Variants in EFCAB11 observed in about 807,000 individuals in gnomAD.
The protein encoded by EFCAB11 is EF-hand calcium binding domain 11.
Under a neutral mutation model 23.0 loss-of-function variants are expected in EFCAB11, and 14 were observed. The observed-to-expected ratio is 0.61, with a 90% CI of 0.40 to 0.95. The LOEUF is 0.95. Among genes scored for constraint, EFCAB11 ranks in the 40% least tolerant of loss-of-function variants. The pLI is 0.00. For missense variants in EFCAB11, 198 were observed against 195.8 expected (o/e 1.01, Z -0.07); for synonymous variants, 65 against 66.6 (o/e 0.98, Z 0.11).
chr14:89,880,067 C>T (rs559661078), intron 5 of EFCAB11, among the ~76,000 whole-genome samples: 21 of 152,184 alleles, frequency 1.4e-4, no homozygotes, highest in African/African-American at 5.1e-4. Flanking sequence ...TGTGAGTATA[C>T]CTTTCTTAGT....
chr14:89,820,912 C>T (rs1049467772), intron 5 of EFCAB11, among the ~76,000 whole-genome samples: 9 of 151,620 alleles, frequency 5.9e-5, no homozygotes, highest in African/African-American at 2.2e-4. Context: ...ATGTTTTATA[C>T]ATAATAACAT....
At chr14:89,809,838 A>G (rs76047075) in intron 5 of EFCAB11, among the ~76,000 whole-genome samples, 5,253 of 152,314 alleles carry the variant, frequency 0.034, 138 homozygotes, top group Non-Finnish European at 0.059. Flanking sequence ...TTAAAAGAGG[A>G]TAAACAGTGA....
rs140929496 is a variant in EFCAB11 at position 89,847,430 on chromosome 14, T to C, written c.411-50106A>G. Among the ~76,000 whole-genome samples the C allele has an allele frequency of 1.6e-3, 239 of 152,262 alleles. 4 individuals are homozygous for C. Among genetic ancestry groups the C allele is most frequent in the African/African-American group, 5.3e-3 (219 of 41,540 alleles). ...TGTCTCTGCTGAGTGGAGGCCCATATGCACACTGATTAAGAATGCAGACTC... is the reference window on the plus strand; with the variant it reads ...TGTCTCTGCTGAGTGGAGGCCCATACGCACACTGATTAAGAATGCAGACTC... On this transcript the variant is annotated intron_variant, in intron 5 of 5. Transcript: ENST00000316738.
intron 5 of EFCAB11, among the ~76,000 whole-genome samples, chr14:89,928,320 A>G (rs189865636): frequency 1.3e-5 from 2 of 152,304 alleles, no homozygotes; most frequent in Admixed American, 1.3e-4. Flanking sequence ...TTAATGGCAA[A>G]TAACTTTCTG....
chr14:89,954,367 A>G, intron 1 of EFCAB11: 2 of 1,536,114 alleles, frequency 1.3e-6, no homozygotes, highest in Non-Finnish European at 1.7e-6. Flanking sequence ...TTAATAGACT[A>G]TATAGAGAGA....
chr14:89,900,078 C>T (rs1003675113), intron 5 of EFCAB11, among the ~76,000 whole-genome samples: 1 of 152,234 alleles, frequency 6.6e-6, no homozygotes, highest in Non-Finnish European at 1.5e-5. Flanking sequence ...TCAATTGATT[C>T]TGGAGGGGAA....
intron 3 of EFCAB11, among the ~76,000 whole-genome samples, chr14:89,937,415 T>C (rs1890623704): frequency 6.6e-6 from 1 of 152,210 alleles, no homozygotes; most frequent in Admixed American, 6.5e-5. Flanking sequence ...CAATGATCTT[T>C]ACAAATCCTT....
intron 5 of EFCAB11, among the ~76,000 whole-genome samples, chr14:89,801,200 G>A (rs1885768894): frequency 6.6e-6 from 1 of 152,154 alleles, no homozygotes; most frequent in African/African-American, 2.4e-5. Context: ...ATGATGCGAT[G>A]ATCAAAAGTC....
chr14:89,840,396 C>T (rs1250395446), intron 5 of EFCAB11, among the ~76,000 whole-genome samples: 1 of 152,202 alleles, frequency 6.6e-6, no homozygotes, highest in Non-Finnish European at 1.5e-5. Flanking sequence ...TTGGACATCA[C>T]TTAACTATCC....
At chr14:89,802,743 G>A (rs1885829408) in intron 5 of EFCAB11, among the ~76,000 whole-genome samples, 1 of 152,142 alleles carries the variant, frequency 6.6e-6, no homozygotes. Flanking sequence ...AGAAGCTGAA[G>A]GTTATATGCT....
chr14:89,811,751 G>C (rs542003203), intron 5 of EFCAB11, among the ~76,000 whole-genome samples: 31 of 152,292 alleles, frequency 2.0e-4, no homozygotes, highest in African/African-American at 6.7e-4. Context: ...CTGACACCTG[G>C]ATTTTAGCCC....
chr14:89,801,993 CAA>C (rs879381350), intron 5 of EFCAB11, among the ~76,000 whole-genome samples: 3 of 123,968 alleles, frequency 2.4e-5, no homozygotes, highest in African/African-American at 3.0e-5. Flanking sequence ...GACTCTGTCT[CAA>C]AAAAAAAAAA....
chr14:89,849,477 G>T (rs1423158778), intron 5 of EFCAB11, among the ~76,000 whole-genome samples: 1 of 152,188 alleles, frequency 6.6e-6, no homozygotes, highest in Non-Finnish European at 1.5e-5. Flanking sequence ...ACATGGAAAA[G>T]AATCTAAAAA....
At chr14:89,859,307 A>T (rs1887849539) in intron 5 of EFCAB11, among the ~76,000 whole-genome samples, 2 of 152,180 alleles carry the variant, frequency 1.3e-5, no homozygotes, top group African/African-American at 4.8e-5. Context: ...ATTATTTATT[A>T]CTTTTCTCTA....
chr14:89,868,886 A>G (rs977014633), intron 5 of EFCAB11, among the ~76,000 whole-genome samples: 4 of 152,232 alleles, frequency 2.6e-5, no homozygotes, highest in Non-Finnish European at 5.9e-5. Flanking sequence ...GCTTTCTTAC[A>G]GAAACAAATG....
intron 5 of EFCAB11, among the ~76,000 whole-genome samples, chr14:89,804,033 G>T (rs1291884220): frequency 6.6e-6 from 1 of 152,236 alleles, no homozygotes; most frequent in Non-Finnish European, 1.5e-5. Flanking sequence ...TCTTCGGTGT[G>T]TACTGGGGTC....
At chr14:89,857,206 A>G (rs1325644665) in intron 5 of EFCAB11, among the ~76,000 whole-genome samples, 1 of 152,244 alleles carries the variant, frequency 6.6e-6, no homozygotes, top group East Asian at 1.9e-4. Context: ...TGTTAAACTC[A>G]ACCACAAATA....
chr14:89,871,999 A>G (rs184807688), intron 5 of EFCAB11, among the ~76,000 whole-genome samples: 1 of 152,356 alleles, frequency 6.6e-6, no homozygotes, highest in East Asian at 1.9e-4. Context: ...CAGTGATTAC[A>G]TATGGAGAGA....
chr14:89,866,112 T>G (rs1344470591), intron 5 of EFCAB11, among the ~76,000 whole-genome samples: 3 of 152,122 alleles, frequency 2.0e-5, no homozygotes, highest in African/African-American at 7.2e-5. Context: ...ATCCTGCAAT[T>G]TTGTCTGATC....
Sources: gnomAD v4.1 joint callset for allele counts (sites outside exome capture counted in the v4.1 genomes callset) on GRCh38, gnomAD v4.1.1 for gene constraint, MANE v1.5 for transcripts, NCBI Gene and HGNC (gene_info 2026-07-23, HGNC 2026-07-21) for gene names.